Variants in SORCS3 observed in about 807,000 individuals in gnomAD.
The protein encoded by SORCS3 is sortilin related VPS10 domain containing receptor 3, also known as VPS10 domain-containing receptor SorCS3.
SORCS3 carries 57 observed loss-of-function variants against 146.3 expected under a neutral mutation model. The observed-to-expected ratio is 0.39, with a 90% CI of 0.31 to 0.49. The LOEUF (loss-of-function observed/expected upper bound fraction) is 0.49. SORCS3 is among the 20% of genes least tolerant of loss of function. The probability of loss-of-function intolerance (pLI) is 0.92; values close to 1 mark genes in which losing one functional copy is unlikely to be tolerated. For synonymous variants in SORCS3, 653 were observed against 618.5 expected, an observed-to-expected ratio of 1.06 and a Z score of -0.83; for missense variants, 1,341 against 1,575.5, an observed-to-expected ratio of 0.85 and a Z score of 2.52.
chr10:105,262,350 A>G lies in SORCS3; in HGVS notation c.3463A>G (p.Ile1155Val), dbSNP rs1334764787. 2 of 1,613,792 alleles carry G rather than the reference A, an allele frequency of 1.2e-6. No homozygotes were observed. Among genetic ancestry groups the G allele is most frequent in the Admixed American group, 1.7e-5 (1 of 59,996 alleles). Residue 1155 changes from isoleucine to valine, a missense_variant, in exon 26 of 27, where the codon ATC becomes GTC. Coordinates refer to ENST00000369701, the MANE Select transcript of SORCS3 (RefSeq NM_014978.3). ...ATGTAGGAAAATCCCTTGGATTAAC[A>G]TCTATGCTCAAGTCCAACACGACAA... ...KFKRKIPWIN[I>V]YAQVQHDKEQ...
intron 5 of SORCS3, among the ~76,000 whole-genome samples, chr10:105,072,098 T>C (rs886084330): frequency 3.3e-5 from 5 of 152,176 alleles, no homozygotes; most frequent in African/African-American, 4.8e-5. Context: ...GCTGGCTGGC[T>C]GGAGGTTGAT....
intron 14 of SORCS3, among the ~76,000 whole-genome samples, chr10:105,181,817 A>G (rs2056444442): frequency 6.6e-6 from 1 of 152,166 alleles, no homozygotes; most frequent in Non-Finnish European, 1.5e-5. Context: ...TCTCCAGATG[A>G]TGAGATGCCT....
intron 1 of SORCS3, among the ~76,000 whole-genome samples, chr10:104,812,539 C>T (rs1278700522): frequency 1.3e-5 from 2 of 152,198 alleles, no homozygotes; most frequent in Non-Finnish European, 2.9e-5. Flanking sequence ...GCTTTGTTTC[C>T]TCAAATAATA....
Position 105,256,905 on chromosome 10 carries a change from T to C in SORCS3, c.3424T>C (p.Leu1142=). The C allele has an allele frequency of 6.2e-7, 1 of 1,614,006 alleles. No homozygotes were observed. The highest frequency in any genetic ancestry group is 8.5e-7 in the Non-Finnish European group (1 of 1,179,850). Residue 1142 remains leucine (L), a synonymous_variant, in exon 25 of 27, where the codon TTG becomes CTG. Transcript: ENST00000369701. The stretch of plus-strand genomic sequence containing the variant: ...GGTATTTGTTGGCCTGGCTGTGTTT[T>C]TGATCTACAAGTTTAAAAGGTATGT... ...SVVFVGLAVF[L]IYKFKRKIPW...
intron 2 of SORCS3, among the ~76,000 whole-genome samples, chr10:104,908,551 G>T (rs955464002): frequency 6.6e-6 from 1 of 152,166 alleles, no homozygotes; most frequent in African/African-American, 2.4e-5. Context: ...AGCTTGCACA[G>T]CTAGATCTGG....
At chr10:105,183,164 C>T (rs1021488764) in intron 14 of SORCS3, among the ~76,000 whole-genome samples, 2 of 152,126 alleles carry the variant, frequency 1.3e-5, no homozygotes, top group African/African-American at 2.4e-5. Flanking sequence ...TGTGCCTGGA[C>T]AGTAGAGGAA....
chr10:104,689,591 C>G (rs2016089211), intron 1 of SORCS3, among the ~76,000 whole-genome samples: 1 of 152,194 alleles, frequency 6.6e-6, no homozygotes, highest in Non-Finnish European at 1.5e-5. Flanking sequence ...CCCTGACTCC[C>G]CTTACACTGG....
At chr10:104,964,321 C>A (rs1771226063) in intron 3 of SORCS3, among the ~76,000 whole-genome samples, 1 of 152,138 alleles carries the variant, frequency 6.6e-6, no homozygotes, top group Non-Finnish European at 1.5e-5. Context: ...CATCCTTTTG[C>A]AAATGCTACT....
intron 3 of SORCS3, 78 bp downstream of exon 3, chr10:104,916,010 A>AT: frequency 9.2e-7 from 1 of 1,082,584 alleles, no homozygotes; most frequent in Non-Finnish European, 1.4e-6. Context: ...TAAGGAAAAA[A>AT]CTCAGTTGTC....
chr10:104,888,948 T>G (rs532152779), intron 2 of SORCS3, among the ~76,000 whole-genome samples: 3 of 152,204 alleles, frequency 2.0e-5, no homozygotes, highest in Non-Finnish European at 4.4e-5. Flanking sequence ...TATTCCCTAC[T>G]TTAGGTCATA....
rs548493579 is a variant in SORCS3, at chr10:104,831,143, A to G, written c.628-11649A>G. On this transcript the variant is annotated intron_variant, in intron 1 of 26. Coordinates refer to ENST00000369701, the MANE Select transcript of SORCS3 (RefSeq NM_014978.3). The stretch of plus-strand genomic sequence containing the variant: ...CCACTGCACCAAGCCACGACAAATT[A>G]TACCATGAGGATACTGTCACTCTCT... Among the ~76,000 whole-genome samples, 249 of 152,288 alleles carry G rather than the reference A, an allele frequency of 1.6e-3. 1 individual carries two copies. Among genetic ancestry groups the G allele is most frequent in the Middle Eastern group, 0.01 (3 of 294 alleles).
At chr10:104,846,167 A>G (rs1392484904) in intron 2 of SORCS3, among the ~76,000 whole-genome samples, 2 of 152,204 alleles carry the variant, frequency 1.3e-5, no homozygotes, top group Non-Finnish European at 2.9e-5. Context: ...GCCACTGGAT[A>G]GAGTGTGACT....
chr10:104,882,380 G>C (rs1200664565), intron 2 of SORCS3, among the ~76,000 whole-genome samples: 1 of 152,178 alleles, frequency 6.6e-6, no homozygotes, highest in East Asian at 1.9e-4. Context: ...GATACTCTTA[G>C]AGCAGAGCTT....
At chr10:104,799,923 G>T (rs902431351) in intron 1 of SORCS3, among the ~76,000 whole-genome samples, 1 of 151,906 alleles carries the variant, frequency 6.6e-6, no homozygotes, top group Non-Finnish European at 1.5e-5. Flanking sequence ...GGATCTGCCC[G>T]CCTCAGCCTC....
At chr10:104,795,565 G>A (rs1002129929) in intron 1 of SORCS3, among the ~76,000 whole-genome samples, 5 of 152,232 alleles carry the variant, frequency 3.3e-5, no homozygotes, top group African/African-American at 1.2e-4. Context: ...CAAGCTGTGT[G>A]GAATGTCAGA....
intron 1 of SORCS3, among the ~76,000 whole-genome samples, chr10:104,711,179 A>G (rs1014730567): frequency 6.6e-6 from 1 of 152,212 alleles, no homozygotes; most frequent in African/African-American, 2.4e-5. Context: ...GAATTAACTA[A>G]TTTAATCCTC....
chr10:104,664,138 A>G (rs2015737884), intron 1 of SORCS3, among the ~76,000 whole-genome samples: 1 of 152,154 alleles, frequency 6.6e-6, no homozygotes, highest in African/African-American at 2.4e-5. Context: ...TTGGGGAAGA[A>G]GGTGCAGGCT....
chr10:105,227,838 G>C (rs1246888200), intron 20 of SORCS3, among the ~76,000 whole-genome samples: 1 of 151,326 alleles, frequency 6.6e-6, no homozygotes, highest in Non-Finnish European at 1.5e-5. Flanking sequence ...TTTACTTAAA[G>C]TTTGTTTCTT....
intron 14 of SORCS3, among the ~76,000 whole-genome samples, chr10:105,179,221 T>A (rs187333820): frequency 6.6e-6 from 1 of 152,206 alleles, no homozygotes; most frequent in South Asian, 2.1e-4. Context: ...AACAACATCA[T>A]GTGTATGCCA....
Sources: allele counts gnomAD v4.1 joint callset (sites outside exome capture counted in the v4.1 genomes callset), GRCh38; gene constraint gnomAD v4.1.1; transcripts MANE v1.5; gene names NCBI Gene and HGNC (gene_info 2026-07-23, HGNC 2026-07-21).